XXYLT1: variants seen among roughly 807,000 people sequenced by gnomAD.
XXYLT1 encodes xyloside xylosyltransferase 1, also known as UDP-xylose:alpha-xyloside alpha-1,3-xylosyltransferase.
Under a neutral mutation model 28.9 loss-of-function variants are expected in XXYLT1, and 20 were observed. The ratio of observed to expected loss-of-function variants is 0.69; its 90% CI spans 0.49 to 1.00. The LOEUF is 1.00. XXYLT1 is among the 50% of genes least tolerant of loss of function. The probability of loss-of-function intolerance (pLI) is 0.00; values close to 1 mark genes in which losing one functional copy is unlikely to be tolerated. For synonymous variants in XXYLT1, 257 were observed against 253.8 expected, an observed-to-expected ratio of 1.01 and a Z score of -0.12; for missense variants, 542 against 560.1, an observed-to-expected ratio of 0.97 and a Z score of 0.33.
intron 1 of XXYLT1, among the ~76,000 whole-genome samples, chr3:195,262,528 A>G (rs1371716221): frequency 6.6e-6 from 1 of 152,238 alleles, no homozygotes; most frequent in African/African-American, 2.4e-5. Flanking sequence ...CTATCTTTTT[A>G]AAATATGGCC....
At chr3:195,252,719 C>CAGAGAG (rs1484813323) in intron 1 of XXYLT1, among the ~76,000 whole-genome samples, 118 of 138,366 alleles carry the variant, frequency 8.5e-4, no homozygotes, top group African/African-American at 3.1e-3. Context: ...CACACACACA[C>CAGAGAG]ACACACACAG....
chr3:195,228,556 A>G (rs1213350051), intron 1 of XXYLT1, among the ~76,000 whole-genome samples: 1 of 145,698 alleles, frequency 6.9e-6, no homozygotes, highest in African/African-American at 2.6e-5. Context: ...CAGGGGTGCA[A>G]TCTGGGCTCA....
At chr3:195,270,375 T>A in intron 1 of XXYLT1, 180 bp downstream of exon 1, 1 of 957,546 alleles carries the variant, frequency 1.0e-6, no homozygotes, top group African/African-American at 1.8e-5. Flanking sequence ...TGAGGGCGTC[T>A]GGCTCCCGGA....
At chr3:195,227,004 G>A (rs760484514) in intron 1 of XXYLT1, 148 bp from the exon 2 acceptor site, 14 of 922,244 alleles carry the variant, frequency 1.5e-5, no homozygotes, top group East Asian at 5.4e-5. Flanking sequence ...GGGTAGCAAC[G>A]GAGAGTTAAG....
At chr3:195,262,126 GT>G (rs1725716552) in intron 1 of XXYLT1, among the ~76,000 whole-genome samples, 1 of 152,220 alleles carries the variant, frequency 6.6e-6, no homozygotes, top group African/African-American at 2.4e-5. Flanking sequence ...GGATGATGTG[GT>G]TTATCCATAC....
chr3:195,101,754 G>A (rs2108677434), intron 3 of XXYLT1, among the ~76,000 whole-genome samples: 1 of 147,900 alleles, frequency 6.8e-6, no homozygotes, highest in Admixed American at 6.8e-5. Flanking sequence ...GGAGCCCAGG[G>A]CTTTATGTCC....
chr3:195,073,264 T>C (rs1237437991), intron 3 of XXYLT1, among the ~76,000 whole-genome samples: 1 of 152,190 alleles, frequency 6.6e-6, no homozygotes, highest in Non-Finnish European at 1.5e-5. Context: ...CGGGTGATGC[T>C]GGCACATTAG....
At chr3:195,254,602 T>A (rs1301929532) in intron 1 of XXYLT1, among the ~76,000 whole-genome samples, 1 of 152,242 alleles carries the variant, frequency 6.6e-6, no homozygotes, top group East Asian at 1.9e-4. Flanking sequence ...AAGGCCCAGA[T>A]TCAGGGGCAG....
At position 195,262,803 on chromosome 3, in the gene XXYLT1, A is replaced by G. The variant is rs11922911; in HGVS notation, c.504+7752T>C. On this transcript the variant is annotated intron_variant, in intron 1 of 3. Coordinates refer to ENST00000310380, the MANE Select transcript of XXYLT1 (RefSeq NM_152531.5). ...ATAAAGTTTTCCATAAGAAACATAC[A>G]TTGGTACACAAACTACTACAGCTGT... 5.3e-3 allele frequency among the ~76,000 whole-genome samples: 804 copies of G among 152,344 alleles called. 8 individuals are homozygous for G. The highest frequency in any genetic ancestry group is 0.018 in the African/African-American group (767 of 41,574).
At chr3:195,110,393 G>GTA (rs1717546639) in intron 3 of XXYLT1, among the ~76,000 whole-genome samples, 2 of 42,758 alleles carry the variant, frequency 4.7e-5, no homozygotes, top group Non-Finnish European at 1.1e-4. Flanking sequence ...TGTGTGTGGT[G>GTA]TGTTATGTGT....
rs753684578 is a variant in XXYLT1, at chr3:195,176,177, C to A, written c.653-19596G>T. On this transcript the variant is annotated intron_variant, in intron 2 of 3. Transcript: ENST00000310380. The surrounding 1 kb of genome is among the most constrained non-coding windows in gnomAD (Gnocchi z 4.9). Reference sequence around the variant, plus strand: ...GCTCAGATGATCCTCCCACCTCAGCCTCCCAAGTGGCTGGGACTACAGGTG... The same window carrying A: ...GCTCAGATGATCCTCCCACCTCAGCATCCCAAGTGGCTGGGACTACAGGTG... 2.6e-5 allele frequency among the ~76,000 whole-genome samples: 4 copies of A among 152,230 alleles called. No individual in the cohort carries two copies. Among genetic ancestry groups the A allele is most frequent in the Admixed American group, 6.5e-5 (1 of 15,286 alleles).
intron 2 of XXYLT1, among the ~76,000 whole-genome samples, chr3:195,220,322 T>C (rs1458699512): frequency 6.6e-6 from 1 of 152,100 alleles, no homozygotes; most frequent in African/African-American, 2.4e-5. Context: ...TTTTGTATTT[T>C]TAGTAGAAAT....
At chr3:195,243,658 T>C (rs941424952) in intron 1 of XXYLT1, among the ~76,000 whole-genome samples, 3 of 151,076 alleles carry the variant, frequency 2.0e-5, no homozygotes, top group Non-Finnish European at 4.4e-5. Flanking sequence ...AGTGGCTGCC[T>C]GTTGCCCCCA....
intron 3 of XXYLT1, among the ~76,000 whole-genome samples, chr3:195,143,185 T>C (rs1167620948): frequency 3.9e-5 from 6 of 152,192 alleles, no homozygotes; most frequent in African/African-American, 9.6e-5. Flanking sequence ...GGAGAAAATG[T>C]TGGGAAAAAA....
chr3:195,109,562 GGT>G (rs964418674), intron 3 of XXYLT1, among the ~76,000 whole-genome samples: 5 of 136,710 alleles, frequency 3.7e-5, no homozygotes, highest in Admixed American at 2.2e-4. Context: ...GTGTGTGCAT[GGT>G]GTGTGTGGTT....
At chr3:195,075,991 C>T (rs1264033344) in intron 3 of XXYLT1, among the ~76,000 whole-genome samples, 5 of 152,084 alleles carry the variant, frequency 3.3e-5, no homozygotes, top group Non-Finnish European at 4.4e-5. Flanking sequence ...GGAGGCACAC[C>T]GCAGAGGGCT....
chr3:195,116,759 G>C (rs1718063133), intron 3 of XXYLT1, among the ~76,000 whole-genome samples: 1 of 152,340 alleles, frequency 6.6e-6, no homozygotes, highest in East Asian at 1.9e-4. Flanking sequence ...ACCAGGTAAA[G>C]GCTGAGACGG....
Position 195,256,027 on chromosome 3 carries a change from A to G in XXYLT1, c.504+14528T>C, listed in dbSNP as rs1469597268. 6.6e-6 allele frequency among the ~76,000 whole-genome samples: 1 copy of G among 152,160 alleles called. No individual in the cohort carries two copies. The highest frequency in any genetic ancestry group is 1.5e-5 in the Non-Finnish European group (1 of 68,012). Reference sequence around the variant, plus strand: ...GTGCCACCCAGCTGACCAGGGGAAGAGGCCACCCAGCCAGCAGCAGGCACA... The same window carrying G: ...GTGCCACCCAGCTGACCAGGGGAAGGGGCCACCCAGCCAGCAGCAGGCACA... On this transcript the variant is annotated intron_variant, in intron 1 of 3. Coordinates refer to ENST00000310380, the MANE Select transcript of XXYLT1 (RefSeq NM_152531.5). The surrounding 1 kb of genome is among the most constrained non-coding windows in gnomAD (Gnocchi z 4.2).
At chr3:195,108,961 G>A (rs1437495218) in intron 3 of XXYLT1, among the ~76,000 whole-genome samples, 1 of 152,174 alleles carries the variant, frequency 6.6e-6, no homozygotes, top group Non-Finnish European at 1.5e-5. Context: ...ATCTTGTGAG[G>A]TAAGCACTAC....
Sources: gnomAD v4.1 joint callset for allele counts (sites outside exome capture counted in the v4.1 genomes callset) on GRCh38, gnomAD v4.1.1 for gene constraint, Gnocchi (gnomAD v3.1) non-coding constraint, MANE v1.5 for transcripts, NCBI Gene and HGNC (gene_info 2026-07-23, HGNC 2026-07-21) for gene names.